SLC25A48: variants seen among roughly 807,000 people sequenced by gnomAD.
The protein encoded by SLC25A48 is solute carrier family 25 member 48.
SLC25A48 carries 29 observed loss-of-function variants against 32.2 expected under a neutral mutation model. That is an observed-to-expected ratio of 0.90 (90% CI 0.67 to 1.23). The LOEUF (loss-of-function observed/expected upper bound fraction) is 1.23. Ranked by LOEUF, SLC25A48 falls within the 50% of genes most tolerant of loss-of-function variation. SLC25A48 has a pLI of 0.00. For missense variants in SLC25A48, 399 were observed against 422.7 expected (o/e 0.94, Z 0.49); for synonymous variants, 164 against 172.3 (o/e 0.95, Z 0.38).
intron 1 of SLC25A48, among the ~76,000 whole-genome samples, chr5:135,611,292 T>C (rs1017023730): frequency 6.6e-6 from 1 of 151,790 alleles, no homozygotes; most frequent in Non-Finnish European, 1.5e-5. Flanking sequence ...GGCAGACCAC[T>C]TGAGGCCAGG....
At chr5:135,753,416 T>C (rs983806533) in intron 3 of SLC25A48, among the ~76,000 whole-genome samples, 1 of 152,022 alleles carries the variant, frequency 6.6e-6, no homozygotes, top group African/African-American at 2.4e-5. Context: ...AAACCCATGG[T>C]GTTATTAGTG....
At chr5:135,754,601 G>C (rs1755850632) in intron 3 of SLC25A48, among the ~76,000 whole-genome samples, 1 of 151,646 alleles carries the variant, frequency 6.6e-6, no homozygotes, top group South Asian at 2.1e-4. Context: ...TAATATCACA[G>C]TGTGTACACA....
intron 4 of SLC25A48, among the ~76,000 whole-genome samples, chr5:135,816,281 G>T (rs948402753): frequency 6.6e-6 from 1 of 151,898 alleles, no homozygotes; most frequent in African/African-American, 2.4e-5. Context: ...TATCAGATGT[G>T]GTAACTATAT....
intron 3 of SLC25A48, among the ~76,000 whole-genome samples, chr5:135,771,033 C>T (rs1174532034): frequency 1.3e-5 from 2 of 151,736 alleles, no homozygotes; most frequent in Admixed American, 6.6e-5. Context: ...AGAGTAAATA[C>T]CCCCTGCGAT....
At chr5:135,582,055 A>G (rs1021830154) in intron 1 of SLC25A48, among the ~76,000 whole-genome samples, 1 of 152,150 alleles carries the variant, frequency 6.6e-6, no homozygotes, top group Non-Finnish European at 1.5e-5. Context: ...GTGTGTGTGT[A>G]TGCATGTGTG....
chr5:135,789,840 C>T (rs1015492169), intron 3 of SLC25A48, among the ~76,000 whole-genome samples: 1 of 151,956 alleles, frequency 6.6e-6, no homozygotes, highest in Non-Finnish European at 1.5e-5. Context: ...TAAGCTATAA[C>T]AGTTTCCTAG....
chr5:135,854,520 T>C (rs1199690439), intron 4 of SLC25A48, among the ~76,000 whole-genome samples: 3 of 152,246 alleles, frequency 2.0e-5, no homozygotes, highest in Non-Finnish European at 2.9e-5. Flanking sequence ...TTAAACCTCA[T>C]GAACCAACCA....
intron 3 of SLC25A48, among the ~76,000 whole-genome samples, chr5:135,764,819 GGT>G (rs1756164632): frequency 6.7e-6 from 1 of 149,430 alleles, no homozygotes; most frequent in Admixed American, 6.6e-5. Context: ...TATCACGGGG[GGT>G]GTGAGATGGT....
chr5:135,865,532 C>T (rs1761122398), intron 4 of SLC25A48, among the ~76,000 whole-genome samples: 1 of 152,168 alleles, frequency 6.6e-6, no homozygotes, highest in African/African-American at 2.4e-5. Flanking sequence ...TCAGTCAGGG[C>T]CAGACTTTTG....
chr5:135,822,602 T>C (rs779610858), intron 4 of SLC25A48, among the ~76,000 whole-genome samples: 2 of 152,174 alleles, frequency 1.3e-5, no homozygotes, highest in Non-Finnish European at 2.9e-5. Flanking sequence ...GGACAAGCCA[T>C]TGGATTTAGG....
At chr5:135,827,902 G>A (rs28399014) in intron 4 of SLC25A48, among the ~76,000 whole-genome samples, 2,189 of 152,282 alleles carry the variant, frequency 0.014, 52 homozygotes, top group African/African-American at 0.049. Context: ...CAAAGGAACA[G>A]ACAGGTTGGG....
At chr5:135,757,918 T>C (rs1755958981) in intron 3 of SLC25A48, among the ~76,000 whole-genome samples, 1 of 150,468 alleles carries the variant, frequency 6.6e-6, no homozygotes, top group Non-Finnish European at 1.5e-5. Flanking sequence ...AATGTTACAC[T>C]ATGATATTAA....
At chr5:135,750,722 T>G (rs1473798167) in intron 3 of SLC25A48, among the ~76,000 whole-genome samples, 1 of 152,080 alleles carries the variant, frequency 6.6e-6, no homozygotes, top group Non-Finnish European at 1.5e-5. Flanking sequence ...GTAGCACACA[T>G]GACCTCAATT....
chr5:135,848,891 C>T (rs538893475), intron 2 of SLC25A48, among the ~76,000 whole-genome samples: 31 of 152,278 alleles, frequency 2.0e-4, no homozygotes, highest in South Asian at 6.2e-4. Flanking sequence ...CTCTTGGCCA[C>T]GTTATTAGCC....
intron 3 of SLC25A48, among the ~76,000 whole-genome samples, chr5:135,739,041 C>T (rs1755442871): frequency 3.9e-5 from 6 of 152,156 alleles, no homozygotes; most frequent in Admixed American, 3.9e-4. Context: ...AAGATCATAC[C>T]ACTGCACTCC....
intron 3 of SLC25A48, among the ~76,000 whole-genome samples, chr5:135,755,465 T>C (rs1484576856): frequency 6.6e-6 from 1 of 151,976 alleles, no homozygotes; most frequent in Non-Finnish European, 1.5e-5. Context: ...AAGTAAATAT[T>C]GCTGTGATAC....
At chr5:135,631,801 T>C (rs895364159) in intron 2 of SLC25A48, among the ~76,000 whole-genome samples, 1 of 152,256 alleles carries the variant, frequency 6.6e-6, no homozygotes, top group Non-Finnish European at 1.5e-5. Context: ...TTTATCCCTA[T>C]ACGGAGGACT....
intron 3 of SLC25A48, among the ~76,000 whole-genome samples, chr5:135,755,407 A>G (rs1269077038): frequency 6.6e-6 from 1 of 152,018 alleles, no homozygotes; most frequent in Non-Finnish European, 1.5e-5. Context: ...TATTAATGAA[A>G]TATCACTGTG....
At chr5:135,879,601 AGAGAGAGAGAGTGTGTGT>A (rs141128475) in intron 6 of SLC25A48, among the ~76,000 whole-genome samples, 1,874 of 133,962 alleles carry the variant, frequency 0.014, 47 homozygotes, top group African/African-American at 0.06. Flanking sequence ...AGAGAGAGAG[AGAGAGAGAGAGTGTGTGT>A]GTGTGTGTGT....
Sources: gnomAD v4.1 joint callset for allele counts (sites outside exome capture counted in the v4.1 genomes callset) on GRCh38, gnomAD v4.1.1 for gene constraint, MANE v1.5 for transcripts, NCBI Gene and HGNC (gene_info 2026-07-23, HGNC 2026-07-21) for gene names.